Variants in KCNN3 observed in about 807,000 individuals in gnomAD.
KCNN3 encodes potassium calcium-activated channel subfamily N member 3, also known as small conductance calcium-activated potassium channel protein 3.
Under a neutral mutation model 62.9 loss-of-function variants are expected in KCNN3, and 16 were observed. The observed-to-expected ratio is 0.25, with a 90% CI of 0.17 to 0.39. The LOEUF is 0.39. KCNN3 is among the 10% of genes least tolerant of loss of function. KCNN3 has a pLI of 1.00. For synonymous variants in KCNN3, 370 were observed against 389.2 expected (o/e 0.95, Z 0.58); for missense variants, 599 against 949.4 (o/e 0.63, Z 4.85).
intron 2 of KCNN3, among the ~76,000 whole-genome samples, chr1:154,799,440 C>A (rs17719419): frequency 0.055 from 8,418 of 152,276 alleles, 262 homozygotes; most frequent in Non-Finnish European, 0.071. Context: ...CGTGTTCTAG[C>A]CAGGGCACCT....
chr1:154,826,040 C>A, intron 1 of KCNN3, among the ~76,000 whole-genome samples: 1 of 137,708 alleles, frequency 7.3e-6, no homozygotes, highest in Non-Finnish European at 1.5e-5. Context: ...GAGCGAGACT[C>A]CATCTTAAAA....
chr1:154,856,303 C>G (rs1218101281), intron 1 of KCNN3, among the ~76,000 whole-genome samples: 1 of 152,164 alleles, frequency 6.6e-6, no homozygotes, highest in African/African-American at 2.4e-5. Context: ...GTGAGAAAAT[C>G]CCCTTAGCCA....
Position 154,798,139 on chromosome 1 carries a change from C to T in KCNN3, c.1029+23950G>A, listed in dbSNP as rs191109601. Among the ~76,000 whole-genome samples the T allele has an allele frequency of 3.4e-3, 514 of 152,306 alleles. 5 individuals are homozygous for T. Among genetic ancestry groups the T allele is most frequent in the African/African-American group, 0.012 (498 of 41,568 alleles). On this transcript the variant is annotated intron_variant, in intron 2 of 7. Coordinates refer to ENST00000271915, the MANE Select transcript of KCNN3 (RefSeq NM_002249.6). ...AGATATTGCAAATTGCCAGCAGCAA[C>T]TGGTAGCCCCACTTCTCCACTCCCC... is the stretch of plus-strand genomic sequence containing the variant.
chr1:154,818,681 G>C (rs1650770491), intron 2 of KCNN3, among the ~76,000 whole-genome samples: 2 of 152,168 alleles, frequency 1.3e-5, no homozygotes, highest in Admixed American at 1.3e-4. Flanking sequence ...GCCCTCACCA[G>C]ACAACTGAAG....
In KCNN3 at chr1:154,869,236, G is replaced by A. The variant is rs1367281245; in HGVS notation, c.729C>T (p.His243=). ...LLHHPNATHN[H]QHAGTTASST... ...TGCTGGCGGTGGTGCCGGCATGCTG[G>A]TGGTTGTGGGTGGCATTAGGGTGAT... Residue 243 remains histidine (H), a synonymous_variant, in exon 1 of 8, where the codon CAC becomes CAT. Transcript: ENST00000271915. The surrounding 1 kb of genome is among the most constrained non-coding windows in gnomAD (Gnocchi z 6.1). The A allele has an allele frequency of 6.2e-7, 1 of 1,613,566 alleles. No homozygotes were observed. Among genetic ancestry groups the A allele is most frequent in the Non-Finnish European group, 8.5e-7 (1 of 1,179,808 alleles).
At chr1:154,780,494 C>T (rs965559857) in intron 2 of KCNN3, among the ~76,000 whole-genome samples, 6 of 148,480 alleles carry the variant, frequency 4.0e-5, no homozygotes, top group East Asian at 2.0e-4. Flanking sequence ...GAAGAACTTC[C>T]GGGAAAATTT....
At chr1:154,729,888 C>T (rs1700553066) in intron 4 of KCNN3, among the ~76,000 whole-genome samples, 1 of 152,204 alleles carries the variant, frequency 6.6e-6, no homozygotes, top group South Asian at 2.1e-4. Context: ...CTCATGAGGC[C>T]ATTGGGGAAA....
intron 4 of KCNN3, 42 bp from the exon 5 acceptor site, chr1:154,726,068 T>C: frequency 6.8e-7 from 1 of 1,467,334 alleles, no homozygotes; most frequent in Middle Eastern, 1.7e-4. Context: ...AAAGAACATA[T>C]CATTAAGAGG....
At chr1:154,718,396 A>T (rs957073409) in intron 5 of KCNN3, among the ~76,000 whole-genome samples, 2 of 152,240 alleles carry the variant, frequency 1.3e-5, no homozygotes, top group African/African-American at 4.8e-5. Context: ...CTTGCAAATT[A>T]TGGTGACAGC....
rs556430162 is a variant in KCNN3 at position 154,707,856 on chromosome 1, G to A, written c.*120C>T. On this transcript the variant is annotated 3_prime_UTR_variant, in exon 8 of 8. Coordinates refer to ENST00000271915, the MANE Select transcript of KCNN3 (RefSeq NM_002249.6). Reference sequence around the variant, plus strand: ...TGAATGAACATGAGTTAGTTAATTAGCTCGGTCTCTCTTCTTTCCGTTCCC... The same window carrying A: ...TGAATGAACATGAGTTAGTTAATTAACTCGGTCTCTCTTCTTTCCGTTCCC... 1 of 1,147,714 alleles carries A rather than the reference G, an allele frequency of 8.7e-7. No homozygotes were observed. The highest frequency in any genetic ancestry group is 1.5e-5 in the South Asian group (1 of 66,758). The allele number at this position is 1,147,714 out of a possible 1,614,324, so 71.1% of individuals were successfully genotyped here.
chr1:154,818,263 C>A (rs1038114937), intron 2 of KCNN3, among the ~76,000 whole-genome samples: 1 of 152,114 alleles, frequency 6.6e-6, no homozygotes, highest in Admixed American at 6.6e-5. Context: ...ATGCGGGAAA[C>A]CAACCCCTTC....
At chr1:154,824,105 G>A (rs900042412) in intron 1 of KCNN3, among the ~76,000 whole-genome samples, 8 of 152,196 alleles carry the variant, frequency 5.3e-5, no homozygotes, top group Non-Finnish European at 1.2e-4. Flanking sequence ...CCAACAGTGT[G>A]CTAGATTCTA....
intron 5 of KCNN3, among the ~76,000 whole-genome samples, chr1:154,720,921 C>T (rs1700333454): frequency 6.6e-6 from 1 of 152,100 alleles, no homozygotes; most frequent in Admixed American, 6.5e-5. Flanking sequence ...ACAGAAAGTG[C>T]TCAGACCCTC....
At chr1:154,796,981 TG>T (rs2101869313) in intron 2 of KCNN3, among the ~76,000 whole-genome samples, 1 of 152,308 alleles carries the variant, frequency 6.6e-6, no homozygotes, top group African/African-American at 2.4e-5. Flanking sequence ...CTTGTGGACA[TG>T]GGGGTGATCT....
chr1:154,746,533 TCTC>T (rs1373109601), intron 3 of KCNN3, among the ~76,000 whole-genome samples: 2 of 152,044 alleles, frequency 1.3e-5, no homozygotes, highest in African/African-American at 4.8e-5. Context: ...TCTTCCTCCT[TCTC>T]CTCTATTTTT....
chr1:154,859,346 G>A (rs1349867341), intron 1 of KCNN3, among the ~76,000 whole-genome samples: 1 of 152,250 alleles, frequency 6.6e-6, no homozygotes, highest in Non-Finnish European at 1.5e-5. Context: ...AGGCAAAGGG[G>A]CTAGGAGGAG....
chr1:154,737,019 GA>G, intron 3 of KCNN3: 1 of 702,002 alleles, frequency 1.4e-6, no homozygotes, highest in Admixed American at 2.0e-5. Context: ...CTTCGTCATG[GA>G]GATAAGACAT....
At chr1:154,755,900 AAGG>A (rs372118069) in intron 3 of KCNN3, among the ~76,000 whole-genome samples, 3,674 of 125,406 alleles carry the variant, frequency 0.029, 117 homozygotes, top group African/African-American at 0.057. Context: ...GAGGAAGAAG[AAGG>A]AGGAGAAGAA....
chr1:154,753,037 T>A (rs897159714), intron 3 of KCNN3, among the ~76,000 whole-genome samples: 7 of 152,194 alleles, frequency 4.6e-5, no homozygotes, highest in Non-Finnish European at 1.0e-4. Flanking sequence ...CAGACACATT[T>A]ACTCTCTAAA....
Sources: allele counts gnomAD v4.1 joint callset (sites outside exome capture counted in the v4.1 genomes callset), GRCh38; gene constraint gnomAD v4.1.1; non-coding constraint Gnocchi (gnomAD v3.1); transcripts MANE v1.5; gene names NCBI Gene and HGNC (gene_info 2026-07-23, HGNC 2026-07-21).